Variants in GLT6D1 observed in about 807,000 individuals in gnomAD.
GLT6D1 encodes putative glycosyltransferase 6 domain-containing protein 1.
GLT6D1 carries 9 observed loss-of-function variants against 12.3 expected under a neutral mutation model. The ratio of observed to expected loss-of-function variants is 0.73; its 90% confidence interval spans 0.44 to 1.27. The LOEUF (loss-of-function observed/expected upper bound fraction) is 1.27, where lower values mean the gene tolerates loss of function less well. GLT6D1 is among the 50% of genes most tolerant of loss of function. The pLI is 0.00. For synonymous variants in GLT6D1, 128 were observed against 132.3 expected, an observed-to-expected ratio of 0.97 and a Z score of 0.23; for missense variants, 335 against 346.2, an observed-to-expected ratio of 0.97 and a Z score of 0.26.
At chr9:135,634,430 GT>G (rs369750564) in intron 2 of GLT6D1, among the ~76,000 whole-genome samples, 69 of 52,108 alleles carry the variant, frequency 1.3e-3, no homozygotes, top group African/African-American at 5.1e-3. Flanking sequence ...GCCTGGCCTT[GT>G]TTTTCCTTTC....
Position 135,624,615 on chromosome 9 carries a change from T to C in GLT6D1, c.313A>G (p.Thr105Ala). The change falls in exon 5 of 5, where the codon ACA (threonine) becomes GCA (alanine). Residue 105 changes from threonine (T) to alanine (A), a missense_variant. Transcript: ENST00000371763. Reference protein sequence around the residue: ...FLHSANKHFMTGYRVIFYIMV... With the variant: ...FLHSANKHFMAGYRVIFYIMV... ...ATGTAGAAGATCACTCGGTAGCCTG[T>C]CATGAAGTGCTTATTTGCGGAGTGT... The C allele has an allele frequency of 6.2e-7, 1 of 1,611,784 alleles. No individual in the cohort carries two copies. The highest frequency in any genetic ancestry group is 8.5e-7 in the Non-Finnish European group (1 of 1,179,086).
At chr9:135,638,921 A>G (rs1346455931) in intron 2 of GLT6D1, among the ~76,000 whole-genome samples, 196 bp downstream of exon 2, 1 of 152,124 alleles carries the variant, frequency 6.6e-6, no homozygotes, top group African/African-American at 2.4e-5. Context: ...AGTCCCAGCT[A>G]CTCAGGAGGC....
At chr9:135,630,740 A>G (rs1204564844) in intron 3 of GLT6D1, among the ~76,000 whole-genome samples, 2 of 151,912 alleles carry the variant, frequency 1.3e-5, no homozygotes, top group Non-Finnish European at 2.9e-5. Context: ...AAAAAAAGAT[A>G]CTTAAACAAT....
intron 4 of GLT6D1, 79 bp downstream of exon 4, chr9:135,625,990 C>G (rs1833504690): frequency 6.7e-7 from 1 of 1,490,922 alleles, no homozygotes; most frequent in Admixed American, 1.8e-5. Flanking sequence ...TTATGGTTGG[C>G]TCTTTGGAGG....
intron 2 of GLT6D1, among the ~76,000 whole-genome samples, chr9:135,635,858 C>G (rs1242539727): frequency 6.6e-6 from 1 of 152,226 alleles, no homozygotes; most frequent in South Asian, 2.1e-4. Context: ...CACTGTGGCC[C>G]CCTCTCTTGC....
At chr9:135,638,682 C>T (rs1030789933) in intron 2 of GLT6D1, among the ~76,000 whole-genome samples, 14 of 152,088 alleles carry the variant, frequency 9.2e-5, no homozygotes, top group African/African-American at 2.9e-4. Context: ...CAGCCTGGCA[C>T]CTAGAAGGCA....
intron 2 of GLT6D1, among the ~76,000 whole-genome samples, chr9:135,634,465 G>GTTTTTTTTTTTTTTTTTTTTT (rs1833723992): frequency 9.7e-6 from 1 of 103,246 alleles, no homozygotes; most frequent in Non-Finnish European, 1.8e-5. Context: ...TTTTTTTTTT[G>GTTTTTTTTTTTTTTTTTTTTT]GCATGATTTA....
chr9:135,632,401 C>T (rs527719316), intron 2 of GLT6D1, among the ~76,000 whole-genome samples: 175 of 152,292 alleles, frequency 1.1e-3, no homozygotes, highest in Non-Finnish European at 2.1e-3. Context: ...TGTCCGTCCC[C>T]CTTTCTGGCA....
intron 4 of GLT6D1, 54 bp from the exon 5 acceptor site, chr9:135,624,724 CTTTTTTTTTTT>C (rs72471205): frequency 8.8e-6 from 5 of 565,512 alleles, no homozygotes; most frequent in African/African-American, 3.3e-5. Flanking sequence ...TCTTTTCTTT[CTTTTTTTTTTT>C]TTTTTTTTTT....
At chr9:135,630,328 C>A (rs1438028474) in intron 3 of GLT6D1, among the ~76,000 whole-genome samples, 1 of 150,388 alleles carries the variant, frequency 6.6e-6, no homozygotes, top group African/African-American at 2.5e-5. Flanking sequence ...ATCGTGTGAA[C>A]CCAGCAGGCA....
chr9:135,631,287 G>T (rs1833640586), intron 3 of GLT6D1, 144 bp downstream of exon 3: 2 of 695,878 alleles, frequency 2.9e-6, no homozygotes, highest in South Asian at 1.7e-5. Flanking sequence ...ACCCTGGTTT[G>T]TTTATAAGAG....
In GLT6D1 at chr9:135,626,131, G is replaced by A. The variant is rs199945021; in HGVS notation, c.195C>T (p.Val65=). ...VLWEGTFDRR[V]LEKHYRRRNI... ...TCCGCCTTCTGTAATGTTTTTCCAG[G>A]ACCCGCCTGTCGAAAGTCCCTTCCC... Residue 65 remains valine (V), a synonymous_variant, in exon 4 of 5, where the codon GTC becomes GTT. Transcript: ENST00000371763. The A allele has an allele frequency of 6.2e-7, 1 of 1,613,934 alleles. No homozygotes were observed. Among genetic ancestry groups the A allele is most frequent in the Non-Finnish European group, 8.5e-7 (1 of 1,179,996 alleles).
chr9:135,634,173 G>T (rs1369099474), intron 2 of GLT6D1, among the ~76,000 whole-genome samples: 1 of 152,106 alleles, frequency 6.6e-6, no homozygotes, highest in Admixed American at 6.5e-5. Context: ...CTGTCTCCCA[G>T]GCTGGAGTGC....
chr9:135,639,058 A>C, intron 2 of GLT6D1, 59 bp downstream of exon 2: 2 of 937,546 alleles, frequency 2.1e-6, no homozygotes, highest in Non-Finnish European at 3.3e-6. Context: ...AATTTAATTA[A>C]ATTAAAACCA....
upstream of GLT6D1, among the ~76,000 whole-genome samples, chr9:135,639,710 A>C (rs1833852803): frequency 6.6e-6 from 1 of 152,228 alleles, no homozygotes; most frequent in African/African-American, 2.4e-5. Context: ...TTACAATGGA[A>C]GTCTGGACTC....
chr9:135,629,587 G>C (rs1229833915), intron 3 of GLT6D1, among the ~76,000 whole-genome samples: 3 of 152,108 alleles, frequency 2.0e-5, no homozygotes, highest in Non-Finnish European at 4.4e-5. Flanking sequence ...CTCTTGTTAG[G>C]TGGTTCTATA....
chr9:135,625,663 A>G (rs1833495570), intron 4 of GLT6D1, among the ~76,000 whole-genome samples: 1 of 152,208 alleles, frequency 6.6e-6, no homozygotes, highest in African/African-American at 2.4e-5. Flanking sequence ...GTGGGCTGCA[A>G]CAAAATGCAG....
rs112815437 is a variant in GLT6D1 at position 135,624,479 on chromosome 9, T to C, written c.449A>G (p.His150Arg). 5.5e-5 allele frequency: 88 copies of C among 1,612,582 alleles called. No homozygotes were observed. The African/African-American group carries it at 7.3e-4, about 13-fold the overall frequency. The change falls in exon 5 of 5, where the codon CAT (histidine) becomes CGT (arginine). Residue 150 changes from histidine (H) to arginine (R), a missense_variant. Transcript: ENST00000371763. ...GATGTGTTCACCCAGGCTCTTCACA[T>C]GCACCAGGGGGCCATCGAGCCACCA... ...ERWWLDGPLV[H>R]VKSLGEHIAS...
At chr9:135,640,349 GAAAT>G (rs759372878), upstream of GLT6D1, among the ~76,000 whole-genome samples, 66 of 152,312 alleles carry the variant, frequency 4.3e-4, 1 homozygote, top group Admixed American at 1.7e-3. Flanking sequence ...AGTTAAATGA[GAAAT>G]AAATTATGAA....
Sources: allele counts gnomAD v4.1 joint callset (sites outside exome capture counted in the v4.1 genomes callset), GRCh38; gene constraint gnomAD v4.1.1; transcripts MANE v1.5; gene names NCBI Gene and HGNC (gene_info 2026-07-23, HGNC 2026-07-21).